Variants in PRKG1 observed in about 807,000 individuals in gnomAD.
PRKG1 encodes cGMP-dependent protein kinase 1.
A neutral mutation model predicts 88.1 loss-of-function variants in PRKG1; 35 were observed. The ratio of observed to expected loss-of-function variants is 0.40; its 90% CI spans 0.30 to 0.53. The LOEUF (loss-of-function observed/expected upper bound fraction) is 0.53. Ranked by LOEUF, PRKG1 falls within the 20% of genes least tolerant of loss-of-function variation. The pLI is 0.59. For missense variants in PRKG1, 540 were observed against 839.8 expected (o/e 0.64, Z 4.41); for synonymous variants, 303 against 292.5 (o/e 1.04, Z -0.37).
chr10:51,054,970 T>A (rs1843609562), intron 1 of PRKG1, among the ~76,000 whole-genome samples: 1 of 152,174 alleles, frequency 6.6e-6, no homozygotes, highest in Non-Finnish European at 1.5e-5. Flanking sequence ...GCTCAGTAAA[T>A]GCCAAATACT....
intron 5 of PRKG1, among the ~76,000 whole-genome samples, chr10:52,049,953 C>T (rs1845946732): frequency 1.3e-5 from 2 of 151,886 alleles, no homozygotes; most frequent in South Asian, 4.2e-4. Flanking sequence ...CAAGTAGAAG[C>T]CTAGAAAAGG....
At chr10:51,567,785 C>T (rs992999013) in intron 3 of PRKG1, among the ~76,000 whole-genome samples, 13 of 151,966 alleles carry the variant, frequency 8.6e-5, no homozygotes, top group Non-Finnish European at 1.6e-4. Flanking sequence ...TGGGTTTTTG[C>T]CATGTTGGCC....
intron 9 of PRKG1, among the ~76,000 whole-genome samples, chr10:52,170,446 G>A (rs1456361434): frequency 6.6e-6 from 1 of 152,110 alleles, no homozygotes; most frequent in Admixed American, 6.5e-5. Flanking sequence ...ATGCAAAACA[G>A]GACCCTTATC....
Position 52,205,554 on chromosome 10 carries a change from G to T in PRKG1, c.1076+43591G>T, listed in dbSNP as rs187702428. Among the ~76,000 whole-genome samples the T allele has an allele frequency of 3.7e-3, 557 of 152,200 alleles. 2 individuals are homozygous for T. The highest frequency in any genetic ancestry group is 0.012 in the African/African-American group (507 of 41,532). On this transcript the variant is annotated intron_variant, in intron 9 of 17. Coordinates refer to ENST00000373980, the MANE Select transcript of PRKG1 (RefSeq NM_006258.4). ...TGTGTTTTTTTGGTGGCTGGTAATG[G>T]TCTTTTTTTAATTTTAGCATTTCCT...
At chr10:51,125,425 AGCCTGTAATCTCAGCATTTTAGGAG>A (rs1205263699) in intron 1 of PRKG1, among the ~76,000 whole-genome samples, 15 of 150,814 alleles carry the variant, frequency 9.9e-5, no homozygotes, top group Non-Finnish European at 1.9e-4. Flanking sequence ...CAGTGGCTGA[AGCCTGTAATCTCAGCATTTTAGGAG>A]GCCAAGTTGG....
At position 51,091,294 on chromosome 10, in the gene PRKG1, A is replaced by G; in HGVS notation, c.311+16393A>G. On this transcript the variant is annotated intron_variant, in intron 1 of 17. Transcript: ENST00000373980. ...AAATACAAGGTTTTTCACTACATTT[A>G]TAGACTTGTACGACCATCACCACAA... Among the ~76,000 whole-genome samples, 2 of 152,162 alleles carry G rather than the reference A, an allele frequency of 1.3e-5. 1 individual carries two copies. The highest frequency in any genetic ancestry group is 3.9e-4 in the East Asian group (2 of 5,192).
At position 52,251,551 on chromosome 10, in the gene PRKG1, T is replaced by C; in HGVS notation, c.1077-19T>C. On this transcript the variant is annotated intron_variant, in intron 9 of 17. Coordinates refer to ENST00000373980, the MANE Select transcript of PRKG1 (RefSeq NM_006258.4). ...TGCACCTCTAAGAAATTTCCATTTT[T>C]TCACATCAAAAAATCCAGATATGAA... 6.2e-7 allele frequency: 1 copy of C among 1,608,980 alleles called. No homozygotes were observed. Among genetic ancestry groups the C allele is most frequent in the South Asian group, 1.1e-5 (1 of 90,944 alleles).
At chr10:51,253,362 T>G (rs1006339844) in intron 2 of PRKG1, among the ~76,000 whole-genome samples, 4 of 151,872 alleles carry the variant, frequency 2.6e-5, no homozygotes, top group African/African-American at 9.7e-5. Flanking sequence ...CTGATGAAGT[T>G]CAAATGTAGC....
chr10:51,649,321 T>C (rs1839985421), intron 3 of PRKG1, among the ~76,000 whole-genome samples: 1 of 152,234 alleles, frequency 6.6e-6, no homozygotes, highest in Admixed American at 6.5e-5. Context: ...TCATTGTTGA[T>C]ATATTAAGCA....
intron 3 of PRKG1, among the ~76,000 whole-genome samples, chr10:51,516,958 A>G (rs1199565785): frequency 2.0e-5 from 3 of 152,192 alleles, no homozygotes; most frequent in Admixed American, 2.0e-4. Flanking sequence ...TAAGGAACCT[A>G]TTTTATAGAA....
At chr10:51,743,316 G>C (rs1372815245) in intron 3 of PRKG1, among the ~76,000 whole-genome samples, 1 of 152,062 alleles carries the variant, frequency 6.6e-6, no homozygotes, top group African/African-American at 2.4e-5. Flanking sequence ...CTTTCTAGGG[G>C]TGGGTGCCCA....
chr10:51,170,258 C>T (rs756493310), intron 2 of PRKG1, among the ~76,000 whole-genome samples: 8 of 151,942 alleles, frequency 5.3e-5, no homozygotes, highest in South Asian at 4.1e-4. Context: ...GAGGAAAATA[C>T]ATAACTTAAA....
intron 2 of PRKG1, among the ~76,000 whole-genome samples, chr10:51,238,306 C>T (rs1234045991): frequency 1.3e-5 from 2 of 152,206 alleles, no homozygotes; most frequent in East Asian, 1.9e-4. Context: ...ATTGGCCCGG[C>T]GAGATGGCTC....
At chr10:52,118,921 A>C (rs888682481) in intron 7 of PRKG1, among the ~76,000 whole-genome samples, 3 of 152,098 alleles carry the variant, frequency 2.0e-5, no homozygotes, top group Non-Finnish European at 4.4e-5. Flanking sequence ...CTTTTCCTTA[A>C]AATAACTACT....
chr10:51,319,509 A>G (rs1287807514), intron 2 of PRKG1, among the ~76,000 whole-genome samples: 1 of 152,182 alleles, frequency 6.6e-6, no homozygotes, highest in Admixed American at 6.5e-5. Context: ...CTTCAGGCAC[A>G]TAAAACTGGT....
chr10:51,316,144 C>T (rs1307009967), intron 2 of PRKG1, among the ~76,000 whole-genome samples: 1 of 152,054 alleles, frequency 6.6e-6, no homozygotes, highest in Non-Finnish European at 1.5e-5. Context: ...TGAATGGGCA[C>T]AAGAAAATCT....
chr10:51,523,093 G>A (rs1841779403), intron 3 of PRKG1, among the ~76,000 whole-genome samples: 2 of 152,152 alleles, frequency 1.3e-5, no homozygotes. Context: ...ACCAGATACT[G>A]CGAGGTTGAA....
chr10:51,485,002 T>C (rs1840487992), intron 3 of PRKG1, among the ~76,000 whole-genome samples: 1 of 152,166 alleles, frequency 6.6e-6, no homozygotes, highest in African/African-American at 2.4e-5. Context: ...ATCCAAAACA[T>C]TGAATACTAG....
intron 3 of PRKG1, among the ~76,000 whole-genome samples, chr10:51,475,070 G>A (rs531955453): frequency 3.9e-5 from 6 of 152,088 alleles, no homozygotes; most frequent in Non-Finnish European, 8.8e-5. Context: ...AAGTGCATTA[G>A]TGTAGTTCAT....
Sources: allele counts gnomAD v4.1 joint callset (sites outside exome capture counted in the v4.1 genomes callset), GRCh38; gene constraint gnomAD v4.1.1; transcripts MANE v1.5; gene names NCBI Gene and HGNC (gene_info 2026-07-23, HGNC 2026-07-21).